Variants in ATP13A5 observed in about 807,000 individuals in gnomAD.
ATP13A5 encodes the protein probable cation-transporting ATPase 13A5.
In ATP13A5, 149 loss-of-function variants were observed where a neutral mutation model predicts 150.2. The observed-to-expected ratio is 0.99, with a 90% CI of 0.87 to 1.14. ATP13A5 has a LOEUF of 1.14. ATP13A5 is among the 50% of genes most tolerant of loss of function. The probability of loss-of-function intolerance (pLI) is 0.00; values close to 1 mark genes in which losing one functional copy is unlikely to be tolerated. For missense variants in ATP13A5, 1,383 were observed against 1,449.3 expected (o/e 0.95, Z 0.74); for synonymous variants, 497 against 522.2 (o/e 0.95, Z 0.66).
chr3:193,322,941 G>C (rs1719336961), intron 14 of ATP13A5, among the ~76,000 whole-genome samples: 1 of 152,154 alleles, frequency 6.6e-6, no homozygotes, highest in South Asian at 2.1e-4. Context: ...AGTTAGGACT[G>C]GGTCCTGAGA....
At chr3:193,341,506 A>C (rs1379323938) in intron 9 of ATP13A5, among the ~76,000 whole-genome samples, 1 of 152,158 alleles carries the variant, frequency 6.6e-6, no homozygotes, top group Non-Finnish European at 1.5e-5. Flanking sequence ...GAACACGGGA[A>C]CATGCAACAA....
In ATP13A5 at chr3:193,344,021, G is replaced by A. The variant is rs770808895; in HGVS notation, c.849C>T (p.Pro283=). The part of the protein sequence containing the change: ...LEELESRLLV[P]GDILILPGKF... ...TTCCTGGAAGAATAAGAATGTCTCC[G>A]GGAACCAAGAGACGGGATTCCAGCT... Residue 283 remains proline, a synonymous_variant, in exon 9 of 30, where the codon CCC becomes CCT. Transcript: ENST00000342358. 19 of 1,613,136 alleles carry A rather than the reference G, an allele frequency of 1.2e-5. No homozygotes were observed. The highest frequency in any genetic ancestry group is 5.3e-5 in the African/African-American group (4 of 74,840).
intron 25 of ATP13A5, among the ~76,000 whole-genome samples, chr3:193,295,558 C>T (rs1015634170): frequency 2.0e-5 from 3 of 152,046 alleles, no homozygotes; most frequent in Admixed American, 6.6e-5. Context: ...AACAATCAGC[C>T]TTCTCATGCC....
intron 8 of ATP13A5, 54 bp from the exon 9 acceptor site, chr3:193,344,109 A>C: frequency 6.3e-7 from 1 of 1,586,574 alleles, no homozygotes. Flanking sequence ...TTTTTACTTA[A>C]GAATGAAGGC....
intron 14 of ATP13A5, chr3:193,323,974 A>G (rs143734971): frequency 6.6e-6 from 1 of 152,118 alleles, no homozygotes; most frequent in Non-Finnish European, 1.5e-5. Context: ...TAATTAACTA[A>G]CCAGTTAATT....
At chr3:193,331,037 A>C in intron 12 of ATP13A5, 86 bp downstream of exon 12, 1 of 1,376,882 alleles carries the variant, frequency 7.3e-7, no homozygotes, top group Non-Finnish European at 1.0e-6. Context: ...AAATGGGAAC[A>C]CTGGACTAGA....
chr3:193,363,118 G>T, intron 3 of ATP13A5, 118 bp downstream of exon 3: 2 of 1,252,622 alleles, frequency 1.6e-6, no homozygotes, highest in Non-Finnish European at 2.2e-6. Flanking sequence ...CACTTTCTTT[G>T]ATACATAGCT....
At chr3:193,349,238 G>A (rs1712470579) in intron 7 of ATP13A5, among the ~76,000 whole-genome samples, 1 of 152,126 alleles carries the variant, frequency 6.6e-6, no homozygotes, top group Admixed American at 6.6e-5. Flanking sequence ...AATGAGATTA[G>A]TGTTTGTCCT....
In ATP13A5 at chr3:193,307,611, C is replaced by T. The variant is rs118180922; in HGVS notation, c.2526-242G>A. Among the ~76,000 whole-genome samples the T allele has an allele frequency of 3.0e-3, 450 of 152,282 alleles. 23 individuals are homozygous for T. The East Asian group carries it at 0.066, about 22-fold the overall frequency. On this transcript the variant is annotated intron_variant, in intron 21 of 29. Transcript: ENST00000342358. ...ATGGTAGTGATATAACCAAGGACATCGGCAAAACAGTGATTGCACACTTTA... is the reference window on the plus strand; with the variant it reads ...ATGGTAGTGATATAACCAAGGACATTGGCAAAACAGTGATTGCACACTTTA...
intron 1 of ATP13A5, among the ~76,000 whole-genome samples, chr3:193,366,336 G>A (rs552407872): frequency 1.7e-3 from 264 of 152,008 alleles, no homozygotes; most frequent in Non-Finnish European, 3.1e-3. Context: ...AAGACCTATC[G>A]TATACTATTT....
At position 193,351,101 on chromosome 3, in the gene ATP13A5, A is replaced by C; in HGVS notation, c.707T>G (p.Ile236Ser). 7 of 1,613,696 alleles carry C rather than the reference A, an allele frequency of 4.3e-6. No individual in the cohort carries two copies. Among genetic ancestry groups the C allele is most frequent in the Non-Finnish European group, 5.1e-6 (6 of 1,179,708 alleles). ...YSVAIIILTV[I>S]SIVLSVYDLR... ...ATCATACACACTTAAGACAATGGAG[A>C]TAACAGTCAAAATGATGATGGCCAC... The change falls in exon 7 of 30, where the codon ATC becomes AGC. Residue 236 changes from isoleucine to serine, a missense_variant. By Grantham distance (142) the Ile-to-Ser change is moderately radical (BLOSUM62 -2). Around this residue, in one of 3 missense-constraint regions of ATP13A5, gnomAD observed 787 missense variants for 771.9 expected, o/e 1.02. Coordinates refer to ENST00000342358, the MANE Select transcript of ATP13A5 (RefSeq NM_198505.4).
intron 5 of ATP13A5, among the ~76,000 whole-genome samples, chr3:193,361,078 C>T (rs1712988809): frequency 6.6e-6 from 1 of 152,154 alleles, no homozygotes; most frequent in Non-Finnish European, 1.5e-5. Context: ...GGAAATCTTT[C>T]CTGTGGAAGT....
Position 193,347,177 on chromosome 3 carries a change from C to G in ATP13A5, c.742-2102G>C, listed in dbSNP as rs1712372374. On this transcript the variant is annotated intron_variant, in intron 7 of 29. Coordinates refer to ENST00000342358, the MANE Select transcript of ATP13A5 (RefSeq NM_198505.4). ...TGCAAGGCATCATAGAAGAAATACACATGGTATATAAAATGGCTCAAATCT... is the reference window on the plus strand; with the variant it reads ...TGCAAGGCATCATAGAAGAAATACAGATGGTATATAAAATGGCTCAAATCT... Among the ~76,000 whole-genome samples, 2 of 152,088 alleles carry G rather than the reference C, an allele frequency of 1.3e-5. 1 individual carries two copies. Among genetic ancestry groups the G allele is most frequent in the African/African-American group, 4.8e-5 (2 of 41,412 alleles).
chr3:193,378,640 A>C, intron 1 of ATP13A5, 23 bp downstream of exon 1: 4 of 1,607,452 alleles, frequency 2.5e-6, no homozygotes, highest in Non-Finnish European at 3.4e-6. Flanking sequence ...TGAGAAGACT[A>C]ATAAAATAAA....
chr3:193,353,488 GC>G (rs1712648021), intron 6 of ATP13A5, among the ~76,000 whole-genome samples: 1 of 152,096 alleles, frequency 6.6e-6, no homozygotes, highest in South Asian at 2.1e-4. Context: ...TAATAACATT[GC>G]CCCATGCTGT....
chr3:193,289,581 C>T (rs750320206), intron 26 of ATP13A5, among the ~76,000 whole-genome samples: 27 of 152,030 alleles, frequency 1.8e-4, no homozygotes, highest in Non-Finnish European at 3.4e-4. Flanking sequence ...ATTTACTATC[C>T]GGCCCTCTAA....
rs765383922 is a variant in ATP13A5, at chr3:193,344,030, G to C, written c.840C>G (p.Leu280=). The C allele has an allele frequency of 1.2e-6, 2 of 1,613,252 alleles. No homozygotes were observed. Among genetic ancestry groups the C allele is most frequent in the Admixed American group, 3.3e-5 (2 of 59,922 alleles). The change falls in exon 9 of 30, where the codon CTC becomes CTG. Residue 280 remains leucine, a synonymous_variant. Transcript: ENST00000342358. The part of the protein sequence containing the change: ...DKGLEELESR[L]LVPGDILILP... The stretch of plus-strand genomic sequence containing the variant: ...GAATAAGAATGTCTCCGGGAACCAA[G>C]AGACGGGATTCCAGCTCCTCCAAAC...
At chr3:193,321,443 C>T (rs763110486) in intron 16 of ATP13A5, among the ~76,000 whole-genome samples, 10 of 152,088 alleles carry the variant, frequency 6.6e-5, no homozygotes, top group Non-Finnish European at 1.5e-4. Context: ...CCAGCCTGGC[C>T]TACATGGTGA....
chr3:193,277,216 A>G (rs1717258590), intron 28 of ATP13A5, among the ~76,000 whole-genome samples: 1 of 152,210 alleles, frequency 6.6e-6, no homozygotes, highest in Non-Finnish European at 1.5e-5. Context: ...CTCCCAAAGC[A>G]AATTCTACCT....
Sources: allele counts gnomAD v4.1 joint callset (sites outside exome capture counted in the v4.1 genomes callset), GRCh38; gene constraint gnomAD v4.1.1; regional missense constraint gnomAD v4.1.1; transcripts MANE v1.5; gene names NCBI Gene and HGNC (gene_info 2026-07-23, HGNC 2026-07-21).